The following TIAM1 variants were observed in gnomAD, a reference collection of about 807,000 sequenced individuals.
TIAM1 encodes TIAM Rac1 associated GEF 1, also known as rho guanine nucleotide exchange factor TIAM1.
TIAM1 carries 65 observed loss-of-function variants against 163.5 expected under a neutral mutation model. The ratio of observed to expected loss-of-function variants is 0.40; its 90% CI spans 0.33 to 0.49. The LOEUF is 0.49. Among genes scored for constraint, TIAM1 ranks in the 20% least tolerant of loss-of-function variants. The pLI is 0.77. For missense variants in TIAM1, 1,789 were observed against 2,044.7 expected (o/e 0.87, Z 2.41); for synonymous variants, 833 against 810.1 (o/e 1.03, Z -0.48).
At position 31,501,431 on chromosome 21, in the gene TIAM1, T is replaced by C. The variant is rs370890029; in HGVS notation, c.-421-37396A>G. Among the ~76,000 whole-genome samples, 28 of 152,228 alleles carry C rather than the reference T, an allele frequency of 1.8e-4. No homozygotes were observed. In the East Asian group the frequency reaches 3.1e-3, roughly 17 times the overall value. On this transcript the variant is annotated intron_variant, in intron 1 of 28. Coordinates refer to the TIAM1 transcript ENST00000286827. ...AAGCAGAAAATCACTTTTCTAGGCA[T>C]CTACACAACTAGGAGGAAAAAAAGT...
chr21:31,118,542 G>A lies in TIAM1; in HGVS notation c.*1826C>T, dbSNP rs921671789. ...ATATAAGAACTTTTGACATAGACAC[G>A]TCATGACCTTATGTACAAGAGACAA... is the stretch of plus-strand genomic sequence containing the variant. On this transcript the variant is annotated 3_prime_UTR_variant, in exon 28 of 28. Transcript: ENST00000541036. The A allele has an allele frequency of 1.5e-5, 7 of 469,984 alleles. No homozygotes were observed. Among genetic ancestry groups the A allele is most frequent in the African/African-American group, 6.0e-5 (3 of 50,040 alleles). 29.1% of individuals were successfully genotyped at this position (469,984 alleles called of 1,614,324 possible).
chr21:31,437,502 C>CAAAA (rs778245444), intron 2 of TIAM1, among the ~76,000 whole-genome samples: 6 of 106,516 alleles, frequency 5.6e-5, no homozygotes, highest in African/African-American at 2.0e-4. Context: ...GACCCTGTCT[C>CAAAA]AAAAAAAAAA....
intron 2 of TIAM1, among the ~76,000 whole-genome samples, chr21:31,363,667 A>T (rs187093149): frequency 6.6e-6 from 1 of 152,230 alleles, no homozygotes; most frequent in East Asian, 1.9e-4. Flanking sequence ...CTGAATGATC[A>T]CACGATGAAT....
chr21:31,352,456 A>T (rs190260123), intron 2 of TIAM1, among the ~76,000 whole-genome samples: 1 of 151,202 alleles, frequency 6.6e-6, no homozygotes, highest in African/African-American at 2.4e-5. Flanking sequence ...TAAAATGCCA[A>T]CTTTTATGTT....
At chr21:31,361,413 T>C (rs1184891410) in intron 2 of TIAM1, among the ~76,000 whole-genome samples, 1 of 151,848 alleles carries the variant, frequency 6.6e-6, no homozygotes, top group Non-Finnish European at 1.5e-5. Flanking sequence ...AGGGAGAAAA[T>C]TGTGATTGAG....
intron 19 of TIAM1, among the ~76,000 whole-genome samples, chr21:31,151,264 A>G (rs2083358368): frequency 6.6e-6 from 1 of 152,242 alleles, no homozygotes. Context: ...ACTTGTACAC[A>G]TATGTTCACA....
chr21:31,412,823 T>C (rs973082488), intron 2 of TIAM1, among the ~76,000 whole-genome samples: 2 of 141,854 alleles, frequency 1.4e-5, no homozygotes, highest in African/African-American at 2.6e-5. Context: ...GCACGCAACC[T>C]AGATCCCTCG....
At chr21:31,215,575 A>G (rs962400797) in intron 9 of TIAM1, among the ~76,000 whole-genome samples, 7 of 150,686 alleles carry the variant, frequency 4.6e-5, no homozygotes, top group Non-Finnish European at 1.0e-4. Flanking sequence ...AAAGAAAAAA[A>G]AAAAAAAAAA....
intron 6 of TIAM1, among the ~76,000 whole-genome samples, chr21:31,241,654 A>G (rs1453397988): frequency 6.6e-6 from 1 of 152,170 alleles, no homozygotes; most frequent in African/African-American, 2.4e-5. Context: ...CATTTATATT[A>G]TTTTAAATGT....
chr21:31,217,752 C>A, intron 8 of TIAM1, 53 bp from the exon 9 acceptor site: 1 of 1,586,240 alleles, frequency 6.3e-7, no homozygotes, highest in South Asian at 1.2e-5. Flanking sequence ...GGACCACCCA[C>A]TTGTGCCTTG....
In TIAM1 at chr21:31,395,611, C is replaced by A. The variant is rs1434064358; in HGVS notation, c.-368-56189G>T. 2.0e-5 allele frequency among the ~76,000 whole-genome samples: 3 copies of A among 152,190 alleles called. No homozygotes were observed. The highest frequency in any genetic ancestry group is 2.0e-4 in the Admixed American group (3 of 15,290). On this transcript the variant is annotated intron_variant, in intron 2 of 28. Coordinates refer to the TIAM1 transcript ENST00000286827. This position sits in a 1 kb window ranked among gnomAD's most constrained non-coding sequence, Gnocchi z 7.5. ...GAAAGCAGATTGCGTTACATTTCTC[C>A]ACATAAATGAACTTACACAGAGGGC...
At chr21:31,252,291 A>T in intron 4 of TIAM1, 102 bp from the exon 5 acceptor site, 3 of 1,298,266 alleles carry the variant, frequency 2.3e-6, no homozygotes, top group Non-Finnish European at 3.2e-6. Flanking sequence ...GCTCTGTAGC[A>T]GCGGGATACG....
intron 1 of TIAM1, among the ~76,000 whole-genome samples, chr21:31,525,563 C>T (rs931539045): frequency 1.3e-5 from 2 of 152,048 alleles, no homozygotes; most frequent in African/African-American, 4.8e-5. Flanking sequence ...TATTAGGAAT[C>T]ATCATTTTAT....
chr21:31,443,249 C>A (rs2044500957), intron 2 of TIAM1, among the ~76,000 whole-genome samples: 1 of 152,098 alleles, frequency 6.6e-6, no homozygotes, highest in African/African-American at 2.4e-5. Flanking sequence ...TAATTAAACC[C>A]CCTAGTAACA....
chr21:31,273,912 A>C (rs372429026), intron 3 of TIAM1, among the ~76,000 whole-genome samples: 20 of 152,334 alleles, frequency 1.3e-4, no homozygotes, highest in African/African-American at 4.6e-4. Flanking sequence ...ATGAACATCA[A>C]TGATGATATT....
intron 2 of TIAM1, among the ~76,000 whole-genome samples, chr21:31,296,983 C>T (rs1324881390): frequency 2.0e-5 from 3 of 152,128 alleles, no homozygotes; most frequent in Non-Finnish European, 2.9e-5. Flanking sequence ...TTCTGATCTG[C>T]ATTTCTCAAA....
At chr21:31,375,567 T>C (rs1344475568) in intron 2 of TIAM1, among the ~76,000 whole-genome samples, 1 of 151,974 alleles carries the variant, frequency 6.6e-6, no homozygotes, top group Non-Finnish European at 1.5e-5. Flanking sequence ...TTATTTTTTA[T>C]CACACATATG....
intron 2 of TIAM1, among the ~76,000 whole-genome samples, chr21:31,277,793 C>A (rs747556485): frequency 6.6e-6 from 1 of 152,086 alleles, no homozygotes; most frequent in Non-Finnish European, 1.5e-5. Context: ...CTTTCTTGTG[C>A]GAGATCCAAG....
In TIAM1 at chr21:31,165,027, TCTCAGC is replaced by T. The variant is rs778585358; in HGVS notation, c.2920_2925del (p.Ala974_Glu975del). 6.2e-7 allele frequency: 1 copy of T among 1,614,124 alleles called. No homozygotes were observed. The highest frequency in any genetic ancestry group is 1.1e-5 in the South Asian group (1 of 91,080). On this transcript the variant is annotated inframe_deletion, in exon 16 of 28. Coordinates refer to ENST00000541036, the MANE Select transcript of TIAM1 (RefSeq NM_001353694.2). ...GGCCCCTCGGTCTCCTCTGGAGCGGTCTCAGCACTGCTGCCCTGCTCGCTGCAAAGG... is the reference window on the plus strand; with the variant it reads ...GGCCCCTCGGTCTCCTCTGGAGCGGTACTGCTGCCCTGCTCGCTGCAAAGG...
Sources: allele counts gnomAD v4.1 joint callset (sites outside exome capture counted in the v4.1 genomes callset), GRCh38; gene constraint gnomAD v4.1.1; non-coding constraint Gnocchi (gnomAD v3.1); transcripts MANE v1.5; gene names NCBI Gene and HGNC (gene_info 2026-07-23, HGNC 2026-07-21).